The following PACS1 variants were observed in gnomAD, a reference collection of about 807,000 sequenced individuals.
The protein encoded by PACS1 is phosphofurin acidic cluster sorting protein 1.
PACS1 carries 24 observed loss-of-function variants against 115.0 expected under a neutral mutation model. The observed-to-expected ratio is 0.21, with a 90% CI of 0.15 to 0.29. The LOEUF (loss-of-function observed/expected upper bound fraction) is 0.29, where lower values mean the gene tolerates loss of function less well. PACS1 is among the 10% of genes least tolerant of loss of function. The pLI, the probability that PACS1 is intolerant of heterozygous loss-of-function variation, is 1.00. For synonymous variants in PACS1, 453 were observed against 504.5 expected, an observed-to-expected ratio of 0.90 and a Z score of 1.37; for missense variants, 838 against 1,251.2, an observed-to-expected ratio of 0.67 and a Z score of 4.98.
At chr11:66,160,929 T>A (rs1012870455) in intron 1 of PACS1, among the ~76,000 whole-genome samples, 7 of 152,158 alleles carry the variant, frequency 4.6e-5, no homozygotes, top group Non-Finnish European at 7.4e-5. Context: ...GTTAAGAACA[T>A]GGACTCTGAA....
At chr11:66,149,744 G>A (rs1859196511) in intron 1 of PACS1, among the ~76,000 whole-genome samples, 1 of 151,740 alleles carries the variant, frequency 6.6e-6, no homozygotes, top group African/African-American at 2.4e-5. Flanking sequence ...AGATCTTTGG[G>A]GGGCAAAACT....
At chr11:66,136,898 C>T (rs565076557) in intron 1 of PACS1, among the ~76,000 whole-genome samples, 2 of 152,202 alleles carry the variant, frequency 1.3e-5, no homozygotes, top group African/African-American at 4.8e-5. Flanking sequence ...GGACAGTGCC[C>T]GGCCTCCGTA....
intron 2 of PACS1, among the ~76,000 whole-genome samples, chr11:66,194,927 A>C (rs1353620066): frequency 6.6e-6 from 1 of 152,098 alleles, no homozygotes; most frequent in East Asian, 1.9e-4. Flanking sequence ...TTTAGTTCTC[A>C]AAACTTAAAA....
At chr11:66,238,281 G>C in intron 19 of PACS1, 1 of 985,240 alleles carries the variant, frequency 1.0e-6, no homozygotes, top group South Asian at 4.7e-5. Flanking sequence ...GGCAGAGACA[G>C]AGCCATCTTC....
At chr11:66,080,016 C>T (rs552829268) in intron 1 of PACS1, among the ~76,000 whole-genome samples, 3 of 152,212 alleles carry the variant, frequency 2.0e-5, no homozygotes, top group Non-Finnish European at 4.4e-5. Context: ...AGGCTGTCCT[C>T]ACCTGCCCAA....
chr11:66,102,241 C>T (rs568700037), intron 1 of PACS1, among the ~76,000 whole-genome samples: 2 of 152,126 alleles, frequency 1.3e-5, no homozygotes, highest in African/African-American at 4.8e-5. Flanking sequence ...AAAAGGGATG[C>T]AGAATGAACA....
At chr11:66,076,819 G>T (rs533666490) in intron 1 of PACS1, among the ~76,000 whole-genome samples, 1 of 152,216 alleles carries the variant, frequency 6.6e-6, no homozygotes, top group African/African-American at 2.4e-5. Flanking sequence ...GGAATCTAGC[G>T]TAGCTGTGGG....
intron 10 of PACS1, among the ~76,000 whole-genome samples, chr11:66,226,045 G>A (rs536823501): frequency 3.7e-4 from 57 of 152,270 alleles, no homozygotes; most frequent in African/African-American, 1.2e-3. Flanking sequence ...GGTGGCAGAC[G>A]CTTGTAATCC....
At chr11:66,164,786 G>C (rs935949153) in intron 1 of PACS1, among the ~76,000 whole-genome samples, 2 of 151,170 alleles carry the variant, frequency 1.3e-5, no homozygotes, top group African/African-American at 4.9e-5. Flanking sequence ...TTAAAACATT[G>C]TTTATAGTTT....
chr11:66,210,563 C>A, intron 3 of PACS1, 112 bp downstream of exon 3: 1 of 829,108 alleles, frequency 1.2e-6, no homozygotes, highest in Non-Finnish European at 2.0e-6. Context: ...CCAACTTGGG[C>A]AGGAATGAAT....
chr11:66,218,284 C>A (rs1207310566), intron 7 of PACS1: 1 of 152,196 alleles, frequency 6.6e-6, no homozygotes, highest in African/African-American at 2.4e-5. Flanking sequence ...GAAGTACATA[C>A]AACCACAGGC....
intron 1 of PACS1, among the ~76,000 whole-genome samples, chr11:66,138,269 T>A (rs935383590): frequency 2.6e-5 from 4 of 151,740 alleles, no homozygotes; most frequent in African/African-American, 4.8e-5. Context: ...TTAAAAAAAA[T>A]TTTTTTACAG....
chr11:66,213,369 A>G (rs1275983273), intron 4 of PACS1, among the ~76,000 whole-genome samples: 4 of 152,132 alleles, frequency 2.6e-5, no homozygotes, highest in African/African-American at 9.7e-5. Flanking sequence ...GTTACATCCT[A>G]CCGTACTTTC....
chr11:66,138,841 C>T (rs990954054), intron 1 of PACS1, among the ~76,000 whole-genome samples: 1 of 152,092 alleles, frequency 6.6e-6, no homozygotes, highest in Non-Finnish European at 1.5e-5. Flanking sequence ...CGCCACCACG[C>T]CCAGCTAATT....
chr11:66,232,838 C>T (rs957580881), intron 14 of PACS1, 122 bp from the exon 15 acceptor site: 16 of 731,182 alleles, frequency 2.2e-5, no homozygotes, highest in Admixed American at 6.6e-5. Context: ...TGCCCAGCTT[C>T]GGTCTGAACT....
At chr11:66,074,607 C>G (rs1429257041) in intron 1 of PACS1, among the ~76,000 whole-genome samples, 2 of 152,186 alleles carry the variant, frequency 1.3e-5, no homozygotes, top group African/African-American at 4.8e-5. Context: ...CAAACCATAT[C>G]CAAAGCCCAT....
chr11:66,124,235 G>C (rs1200802972), intron 1 of PACS1, among the ~76,000 whole-genome samples: 3 of 152,200 alleles, frequency 2.0e-5, no homozygotes. Context: ...TTTTCCTAAG[G>C]AGTGATTGCT....
At chr11:66,200,782 T>C (rs924942807) in intron 2 of PACS1, among the ~76,000 whole-genome samples, 10 of 152,160 alleles carry the variant, frequency 6.6e-5, no homozygotes, top group Non-Finnish European at 1.0e-4. Flanking sequence ...AACCGCACTA[T>C]AGACCAAATG....
At chr11:66,124,852 CT>C (rs1274562671) in intron 1 of PACS1, among the ~76,000 whole-genome samples, 4 of 152,184 alleles carry the variant, frequency 2.6e-5, no homozygotes, top group Non-Finnish European at 2.9e-5. Context: ...ACTGAGCAGC[CT>C]GGCAAAGGCA....
Sources: allele counts gnomAD v4.1 joint callset (sites outside exome capture counted in the v4.1 genomes callset), GRCh38; gene constraint gnomAD v4.1.1; transcripts MANE v1.5; gene names NCBI Gene and HGNC (gene_info 2026-07-23, HGNC 2026-07-21).